The following ZBTB7C variants were observed in gnomAD, a reference collection of about 807,000 sequenced individuals.
The protein encoded by ZBTB7C is zinc finger and BTB domain containing 7C.
In ZBTB7C, 8 loss-of-function variants were observed where a neutral mutation model predicts 25.7. The ratio of observed to expected loss-of-function variants is 0.31; its 90% CI spans 0.18 to 0.56. The LOEUF (loss-of-function observed/expected upper bound fraction) is 0.56, where lower values mean the gene tolerates loss of function less well. Among genes scored for constraint, ZBTB7C ranks in the 20% least tolerant of loss-of-function variants. The pLI is 0.91. For missense variants in ZBTB7C, 824 were observed against 855.2 expected (o/e 0.96, Z 0.46); for synonymous variants, 394 against 369.0 (o/e 1.07, Z -0.78).
chr18:48,147,894 G>A (rs11660595), intron 3 of ZBTB7C: 59,429 of 152,098 alleles, frequency 0.39, 13,105 homozygotes, highest in Middle Eastern at 0.5. Flanking sequence ...AGTTACAGGC[G>A]TGAGCCGCCG....
chr18:48,073,617 C>T (rs2037640774), intron 3 of ZBTB7C, among the ~76,000 whole-genome samples: 1 of 152,192 alleles, frequency 6.6e-6, no homozygotes, highest in Admixed American at 6.5e-5. Flanking sequence ...GAAGGCTCTG[C>T]TCCTCCCTCA....
chr18:48,116,738 G>A (rs1457842067), intron 3 of ZBTB7C, among the ~76,000 whole-genome samples: 1 of 152,096 alleles, frequency 6.6e-6, no homozygotes, highest in Non-Finnish European at 1.5e-5. Context: ...ATCTATTGCT[G>A]TTGAAATCCT....
intron 2 of ZBTB7C, among the ~76,000 whole-genome samples, chr18:48,296,613 C>T (rs2045398332): frequency 1.3e-5 from 2 of 152,238 alleles, no homozygotes; most frequent in Non-Finnish European, 2.9e-5. Context: ...TCCTCTCCCA[C>T]AGCACGTTCC....
At chr18:48,138,966 CTCT>C (rs2040257724) in intron 3 of ZBTB7C, among the ~76,000 whole-genome samples, 1 of 152,288 alleles carries the variant, frequency 6.6e-6, no homozygotes, top group East Asian at 1.9e-4. Context: ...CTCGGAGCCT[CTCT>C]TCTTGTGGGG....
Position 48,214,878 on chromosome 18 carries a change from A to G in ZBTB7C, c.-78-28883T>C, listed in dbSNP as rs184689845. ...CCTCCACCTCTTGGCTATTGTGAAT[A>G]ATGCTGCTATGAACATAGGTGTACA... On this transcript the variant is annotated intron_variant, in intron 2 of 4. Coordinates refer to ENST00000590800, the MANE Select transcript of ZBTB7C (RefSeq NM_001318841.2). Among the ~76,000 whole-genome samples, 4 of 152,334 alleles carry G rather than the reference A, an allele frequency of 2.6e-5. No homozygotes were observed. The East Asian group carries it at 7.7e-4, about 29-fold the overall frequency.
intron 2 of ZBTB7C, among the ~76,000 whole-genome samples, chr18:48,290,639 T>C (rs977679711): frequency 1.3e-5 from 2 of 152,216 alleles, no homozygotes; most frequent in African/African-American, 4.8e-5. Context: ...GATCTATTGT[T>C]GGAGTTGGAC....
At chr18:48,103,313 C>A (rs2038917142) in intron 3 of ZBTB7C, among the ~76,000 whole-genome samples, 1 of 151,774 alleles carries the variant, frequency 6.6e-6, no homozygotes, top group South Asian at 2.1e-4. Context: ...AGGGCTCTGG[C>A]AAAGACAAAA....
chr18:48,108,068 G>A (rs73956490), intron 3 of ZBTB7C, among the ~76,000 whole-genome samples: 14,474 of 152,190 alleles, frequency 0.095, 2,038 homozygotes, highest in African/African-American at 0.31. Flanking sequence ...TTCACATGGC[G>A]TCTGAGGCTG....
At chr18:48,227,929 C>T (rs911564468) in intron 2 of ZBTB7C, among the ~76,000 whole-genome samples, 2 of 152,096 alleles carry the variant, frequency 1.3e-5, no homozygotes, top group Non-Finnish European at 2.9e-5. Context: ...CACTAAAGAG[C>T]ATAACTTCTC....
intron 1 of ZBTB7C, among the ~76,000 whole-genome samples, chr18:48,393,636 C>T (rs1599030852): frequency 6.6e-6 from 1 of 152,126 alleles, no homozygotes; most frequent in East Asian, 1.9e-4. Flanking sequence ...AATGATCACA[C>T]ACATGCATGT....
intron 2 of ZBTB7C, among the ~76,000 whole-genome samples, chr18:48,290,385 C>G (rs1047793955): frequency 3.9e-5 from 6 of 152,322 alleles, no homozygotes; most frequent in Admixed American, 2.6e-4. Context: ...TGAGGGGTAG[C>G]AGGACTCTGT....
chr18:48,038,932 C>T (rs1238382533), intron 4 of ZBTB7C, among the ~76,000 whole-genome samples: 1 of 152,152 alleles, frequency 6.6e-6, no homozygotes, highest in African/African-American at 2.4e-5. Context: ...AAAAGATCAG[C>T]CTCACACCAG....
At chr18:48,365,905 G>C (rs1240932466) in intron 1 of ZBTB7C, among the ~76,000 whole-genome samples, 1 of 152,224 alleles carries the variant, frequency 6.6e-6, no homozygotes, top group African/African-American at 2.4e-5. Flanking sequence ...TTTTAGTAGA[G>C]GGCAGGGCCT....
intron 3 of ZBTB7C, among the ~76,000 whole-genome samples, chr18:48,080,686 G>A (rs2037948510): frequency 2.0e-5 from 3 of 152,162 alleles, no homozygotes; most frequent in African/African-American, 7.2e-5. Context: ...ACATGAACTG[G>A]GCTGTCCTGA....
At chr18:48,238,045 T>C (rs2043426120) in intron 2 of ZBTB7C, among the ~76,000 whole-genome samples, 1 of 152,018 alleles carries the variant, frequency 6.6e-6, no homozygotes, top group African/African-American at 2.4e-5. Context: ...ACTAGGAAAG[T>C]CCAAAATTAA....
At chr18:48,079,072 G>A (rs571448456) in intron 3 of ZBTB7C, among the ~76,000 whole-genome samples, 2 of 152,188 alleles carry the variant, frequency 1.3e-5, no homozygotes, top group African/African-American at 4.8e-5. Flanking sequence ...ATGCCTAGGA[G>A]TGGATTGCTG....
intron 3 of ZBTB7C, among the ~76,000 whole-genome samples, chr18:48,100,283 G>A (rs2038785124): frequency 1.3e-5 from 2 of 152,206 alleles, no homozygotes; most frequent in South Asian, 2.1e-4. Flanking sequence ...TTGGAGTAAC[G>A]ATTCACAGAC....
At chr18:48,222,594 C>T (rs946949918) in intron 2 of ZBTB7C, among the ~76,000 whole-genome samples, 1 of 152,170 alleles carries the variant, frequency 6.6e-6, no homozygotes, top group African/African-American at 2.4e-5. Context: ...CCTGCTGCCT[C>T]CCAAATCTGC....
At chr18:48,046,352 T>C (rs1671313084) in intron 3 of ZBTB7C, among the ~76,000 whole-genome samples, 1 of 152,200 alleles carries the variant, frequency 6.6e-6, no homozygotes, top group South Asian at 2.1e-4. Flanking sequence ...GACACCTTTT[T>C]CTAATTCTCA....
Sources: allele counts gnomAD v4.1 joint callset (sites outside exome capture counted in the v4.1 genomes callset), GRCh38; gene constraint gnomAD v4.1.1; transcripts MANE v1.5; gene names NCBI Gene and HGNC (gene_info 2026-07-23, HGNC 2026-07-21).